The following TOX2 variants were observed in gnomAD, a reference collection of about 807,000 sequenced individuals.
TOX2 encodes TOX high mobility group box family member 2.
Under a neutral mutation model 47.4 loss-of-function variants are expected in TOX2, and 15 were observed. The observed-to-expected ratio is 0.32, with a 90% confidence interval of 0.21 to 0.49. The LOEUF is 0.49. Ranked by LOEUF, TOX2 falls within the 20% of genes least tolerant of loss-of-function variation. The pLI is 0.99. For missense variants in TOX2, 622 were observed against 673.1 expected, an observed-to-expected ratio of 0.92 and a Z score of 0.84; for synonymous variants, 290 against 296.6, an observed-to-expected ratio of 0.98 and a Z score of 0.23.
intron 4 of TOX2, 112 bp from the exon 5 acceptor site, chr20:44,054,187 T>C (rs1296322879): frequency 8.8e-7 from 1 of 1,133,952 alleles, no homozygotes; most frequent in Non-Finnish European, 1.3e-6. Context: ...CGAGTGGTTA[T>C]CTGTGCATGA....
At chr20:44,001,376 T>C (rs1025093269) in intron 2 of TOX2, among the ~76,000 whole-genome samples, 1 of 152,236 alleles carries the variant, frequency 6.6e-6, no homozygotes, top group African/African-American at 2.4e-5. Flanking sequence ...CATGCTGGGC[T>C]CAGTGCCTGG....
At chr20:44,022,306 GT>G (rs201634265) in intron 3 of TOX2, among the ~76,000 whole-genome samples, 4 of 151,260 alleles carry the variant, frequency 2.6e-5, no homozygotes, top group East Asian at 1.9e-4. Flanking sequence ...GAACTTTAGT[GT>G]TTTTTTTTGT....
At chr20:44,029,105 T>C (rs2071108986) in intron 3 of TOX2, among the ~76,000 whole-genome samples, 1 of 152,206 alleles carries the variant, frequency 6.6e-6, no homozygotes, top group Non-Finnish European at 1.5e-5. Flanking sequence ...GGCAGCCCCC[T>C]GACACTCAGG....
intron 2 of TOX2, among the ~76,000 whole-genome samples, chr20:43,988,481 C>T (rs926329297): frequency 1.3e-5 from 2 of 152,260 alleles, no homozygotes; most frequent in Non-Finnish European, 2.9e-5. Flanking sequence ...TACTCAATCT[C>T]TCATTGCCTC....
chr20:43,931,468 G>A (rs977260179), intron 1 of TOX2, among the ~76,000 whole-genome samples: 3 of 152,094 alleles, frequency 2.0e-5, no homozygotes, highest in Non-Finnish European at 2.9e-5. Context: ...CTGCTCAAGC[G>A]CCACCCCCTC....
chr20:43,962,312 C>G (rs1291447829), intron 1 of TOX2, among the ~76,000 whole-genome samples: 2 of 152,210 alleles, frequency 1.3e-5, no homozygotes, highest in Non-Finnish European at 2.9e-5. Flanking sequence ...TGGGATGGGA[C>G]TCACTGGTGG....
chr20:43,927,458 AACACACACACACACACACAC>A (rs34410581), intron 1 of TOX2, among the ~76,000 whole-genome samples: 15,923 of 131,478 alleles, frequency 0.12, 1,095 homozygotes, highest in East Asian at 0.23. Flanking sequence ...TGATCTATAT[AACACACACACACACACACAC>A]ACACACACAC....
chr20:43,984,915 C>T (rs2070238771), intron 2 of TOX2, among the ~76,000 whole-genome samples: 2 of 152,156 alleles, frequency 1.3e-5, no homozygotes, highest in Non-Finnish European at 2.9e-5. Context: ...TCCCAGCCAC[C>T]TCCCAGCCAC....
At chr20:43,972,848 G>A (rs554338835) in intron 1 of TOX2, among the ~76,000 whole-genome samples, 20 of 152,366 alleles carry the variant, frequency 1.3e-4, no homozygotes, top group East Asian at 1.2e-3. Context: ...GTAGCCAGGC[G>A]TGGCCCTAGG....
chr20:43,973,483 G>T, intron 2 of TOX2, 51 bp downstream of exon 2: 2 of 1,571,574 alleles, frequency 1.3e-6, no homozygotes, highest in Non-Finnish European at 1.7e-6. Context: ...GGGCTGGCTG[G>T]ATCTGAGCTG....
intron 2 of TOX2, among the ~76,000 whole-genome samples, chr20:43,993,766 C>G (rs542271603): frequency 2.0e-5 from 3 of 152,290 alleles, no homozygotes; most frequent in African/African-American, 7.2e-5. Flanking sequence ...GCCAAAAATA[C>G]ATATTATCTG....
At chr20:44,052,270 G>C (rs2071527169) in intron 4 of TOX2, among the ~76,000 whole-genome samples, 1 of 152,202 alleles carries the variant, frequency 6.6e-6, no homozygotes, top group Admixed American at 6.5e-5. Context: ...ACCTGTCCGG[G>C]CTCTGGCCCT....
At chr20:44,044,117 G>T (rs898599304) in intron 3 of TOX2, among the ~76,000 whole-genome samples, 1 of 98,794 alleles carries the variant, frequency 1.0e-5, no homozygotes, top group African/African-American at 3.3e-5. Context: ...ATGAGTTCAC[G>T]TCCTTTGTAG....
intron 3 of TOX2, among the ~76,000 whole-genome samples, chr20:44,037,420 G>A (rs1406523839): frequency 1.3e-5 from 2 of 152,254 alleles, no homozygotes; most frequent in African/African-American, 4.8e-5. Context: ...CATGAGGGCA[G>A]GGTCATTGTT....
intron 2 of TOX2, among the ~76,000 whole-genome samples, chr20:43,982,646 G>A (rs1218917715): frequency 6.6e-6 from 1 of 151,864 alleles, no homozygotes; most frequent in Non-Finnish European, 1.5e-5. Context: ...GAGGTGAGGA[G>A]CCCACTGCCC....
At chr20:43,946,692 C>G (rs530794794) in intron 1 of TOX2, among the ~76,000 whole-genome samples, 3 of 152,302 alleles carry the variant, frequency 2.0e-5, no homozygotes, top group Non-Finnish European at 4.4e-5. Flanking sequence ...GAGAAAGGAA[C>G]TAAGGGGACT....
At chr20:43,986,817 G>A (rs1413617759) in intron 2 of TOX2, among the ~76,000 whole-genome samples, 1 of 152,178 alleles carries the variant, frequency 6.6e-6, no homozygotes, top group Non-Finnish European at 1.5e-5. Context: ...TGTAATCCTA[G>A]CACTTTGGGA....
intron 1 of TOX2, among the ~76,000 whole-genome samples, chr20:43,931,828 T>C (rs2069256638): frequency 6.6e-6 from 1 of 152,132 alleles, no homozygotes; most frequent in South Asian, 2.1e-4. Flanking sequence ...GCTCTTTTCA[T>C]TGAAAATACA....
chr20:43,935,436 T>C (rs554039218), intron 1 of TOX2, among the ~76,000 whole-genome samples: 3 of 152,040 alleles, frequency 2.0e-5, no homozygotes, highest in Non-Finnish European at 4.4e-5. Context: ...ACCAGTGGAG[T>C]TGGGGCGGGG....
Sources: gnomAD v4.1 joint callset for allele counts (sites outside exome capture counted in the v4.1 genomes callset) on GRCh38, gnomAD v4.1.1 for gene constraint, MANE v1.5 for transcripts, NCBI Gene and HGNC (gene_info 2026-07-23, HGNC 2026-07-21) for gene names.